Variants in NXN observed in about 807,000 individuals in gnomAD.
NXN encodes nucleoredoxin.
A neutral mutation model predicts 48.6 loss-of-function variants in NXN; 16 were observed. The ratio of observed to expected loss-of-function variants is 0.33; its 90% confidence interval spans 0.22 to 0.50. NXN has a LOEUF of 0.50. NXN is among the 20% of genes least tolerant of loss of function. The pLI is 0.98. For synonymous variants in NXN, 281 were observed against 269.6 expected (o/e 1.04, Z -0.41); for missense variants, 492 against 605.5 (o/e 0.81, Z 1.97).
chr17:803,058 G>A (rs1007839188), intron 7 of NXN, among the ~76,000 whole-genome samples: 5 of 152,226 alleles, frequency 3.3e-5, no homozygotes, highest in Non-Finnish European at 7.3e-5. Context: ...TCTGCAGGGT[G>A]CAGGGTGCAG....
intron 1 of NXN, among the ~76,000 whole-genome samples, chr17:939,031 G>A (rs372703902): frequency 2.0e-4 from 31 of 151,754 alleles, no homozygotes; most frequent in East Asian, 1.6e-3. Flanking sequence ...CAGCCTGGGC[G>A]ACAAGGGTGA....
intron 1 of NXN, among the ~76,000 whole-genome samples, chr17:831,481 A>ATTTATTTATTT: frequency 6.8e-6 from 1 of 148,052 alleles, no homozygotes; most frequent in African/African-American, 2.5e-5. Context: ...TTATTTATTT[A>ATTTATTTATTT]TTATTTTGAG....
chr17:939,162 C>T (rs2068941623), intron 1 of NXN, among the ~76,000 whole-genome samples: 1 of 152,096 alleles, frequency 6.6e-6, no homozygotes, highest in Non-Finnish European at 1.5e-5. Context: ...CCTTAGAGAA[C>T]CACCAAAGAT....
rs1017270096 is a variant in NXN at position 807,244 on chromosome 17, T to TC, written c.821-1998dup. 1.5e-4 allele frequency among the ~76,000 whole-genome samples: 23 copies of TC among 151,904 alleles called. No individual in the cohort carries two copies. The South Asian group carries it at 2.3e-3, about 15-fold the overall frequency. Reference sequence around the variant, plus strand: ...ACATCACCACACACCCTTCTCAAAATCCCCCCGGCAAGGTCCTTCCTCAGA... The same window carrying TC: ...ACATCACCACACACCCTTCTCAAAATCCCCCCCGGCAAGGTCCTTCCTCAGA... On this transcript the variant is annotated intron_variant, in intron 5 of 7. Coordinates refer to ENST00000336868, the MANE Select transcript of NXN (RefSeq NM_022463.5).
At chr17:909,251 T>A (rs9328723) in intron 1 of NXN, among the ~76,000 whole-genome samples, 6 of 151,934 alleles carry the variant, frequency 3.9e-5, no homozygotes, top group African/African-American at 1.5e-4. Flanking sequence ...ACTTTTAATC[T>A]CATAAAACAT....
At position 825,620 on chromosome 17, in the gene NXN, G is replaced by A. The variant is rs553189268; in HGVS notation, c.478+341C>T. On this transcript the variant is annotated intron_variant, in intron 2 of 7. Transcript: ENST00000336868. The surrounding 1 kb of genome is among the most constrained non-coding windows in gnomAD (Gnocchi z 4.1). ...ACTCAGCCTGCCTCTAACTGTGAAG[G>A]GGGCAGCCGCCACGGATGCAGCACT... The A allele has an allele frequency of 7.9e-4, 171 of 215,372 alleles. 3 individuals carry two copies. The South Asian group carries it at 0.012, about 16-fold the overall frequency. The allele number at this position is 215,372 out of a possible 1,614,324, so 13.3% of individuals were successfully genotyped here.
chr17:865,705 TGGGCGCA>T (rs1311627426), intron 1 of NXN, among the ~76,000 whole-genome samples: 2 of 151,658 alleles, frequency 1.3e-5, no homozygotes, highest in Admixed American at 1.3e-4. Flanking sequence ...ACAATGTTGC[TGGGCGCA>T]GTGGCTCACG....
chr17:855,107 T>G (rs1003247371), intron 1 of NXN, among the ~76,000 whole-genome samples: 22 of 152,016 alleles, frequency 1.4e-4, no homozygotes, highest in Non-Finnish European at 1.9e-4. Flanking sequence ...CAAGACCCCA[T>G]CTCTACAAAA....
chr17:819,213 C>T (rs1912666516), intron 5 of NXN: 1 of 533,186 alleles, frequency 1.9e-6, no homozygotes, highest in Non-Finnish European at 3.4e-6. Context: ...TCCCAAAGTG[C>T]TGGGGTTACA....
At chr17:807,546 C>T (rs770848406) in intron 5 of NXN, among the ~76,000 whole-genome samples, 11 of 152,194 alleles carry the variant, frequency 7.2e-5, no homozygotes, top group Non-Finnish European at 1.2e-4. Flanking sequence ...TCCGTGCCTG[C>T]GGGGCCCAGG....
chr17:842,675 T>C (rs1438591107), intron 1 of NXN: 13 of 505,720 alleles, frequency 2.6e-5, no homozygotes, highest in Admixed American at 6.4e-5. Context: ...CAGTGGCTCA[T>C]GCCTGTAATC....
chr17:936,657 A>C (rs2068910888), intron 1 of NXN, among the ~76,000 whole-genome samples: 2 of 150,962 alleles, frequency 1.3e-5, no homozygotes, highest in South Asian at 4.2e-4. Flanking sequence ...AGGGAAAAAA[A>C]GGGTGCTACG....
chr17:909,537 T>C (rs1312957543), intron 1 of NXN: 5 of 54,280 alleles, frequency 9.2e-5, no homozygotes, highest in Non-Finnish European at 2.4e-4. Flanking sequence ...AATGAATTTT[T>C]TTTTTTTTTT....
rs1187231606 is a variant in NXN at position 958,168 on chromosome 17, C to CT, written c.360+21150dup. Among the ~76,000 whole-genome samples, 1 of 152,160 alleles carries CT rather than the reference C, an allele frequency of 6.6e-6. No individual in the cohort carries two copies. Among genetic ancestry groups the CT allele is most frequent in the African/African-American group, 2.4e-5 (1 of 41,442 alleles). ...CTTAATCCACTGGACTACCCTCCCC[C>CT]TCGTTTGAAAAGGTCACTTGCACAT... On this transcript the variant is annotated intron_variant, in intron 1 of 7. Transcript: ENST00000336868. The surrounding 1 kb of genome is among the most constrained non-coding windows in gnomAD (Gnocchi z 6.9).
At chr17:976,208 T>C (rs1211984533) in intron 1 of NXN, among the ~76,000 whole-genome samples, 1 of 152,012 alleles carries the variant, frequency 6.6e-6, no homozygotes, top group African/African-American at 2.4e-5. Context: ...TTTGGTGTTT[T>C]CTCACAGTTC....
chr17:853,283 A>G (rs1479160566), intron 1 of NXN, among the ~76,000 whole-genome samples: 1 of 152,092 alleles, frequency 6.6e-6, no homozygotes, highest in East Asian at 1.9e-4. Context: ...GTCTCTACCA[A>G]AAATACAAAA....
intron 1 of NXN, among the ~76,000 whole-genome samples, chr17:875,123 C>G (rs1414115864): frequency 6.6e-6 from 1 of 152,034 alleles, no homozygotes; most frequent in African/African-American, 2.4e-5. Flanking sequence ...CCTCCGCCTC[C>G]CGGGTTCAAG....
intron 1 of NXN, among the ~76,000 whole-genome samples, chr17:900,037 A>T (rs12945511): frequency 1.3e-5 from 2 of 151,714 alleles, no homozygotes; most frequent in Non-Finnish European, 2.9e-5. Flanking sequence ...AGGCCGAGGC[A>T]GGCGGATCTC....
intron 1 of NXN, among the ~76,000 whole-genome samples, chr17:909,045 G>A (rs1385582216): frequency 6.9e-6 from 1 of 145,220 alleles, no homozygotes; most frequent in African/African-American, 2.6e-5. Flanking sequence ...GTCGCAGTGA[G>A]TCGAGATCAC....
Sources: gnomAD v4.1 joint callset for allele counts (sites outside exome capture counted in the v4.1 genomes callset) on GRCh38, gnomAD v4.1.1 for gene constraint, Gnocchi (gnomAD v3.1) non-coding constraint, MANE v1.5 for transcripts, NCBI Gene and HGNC (gene_info 2026-07-23, HGNC 2026-07-21) for gene names.